Variants in HS6ST3 observed in about 807,000 individuals in gnomAD.
HS6ST3 encodes the protein heparan sulfate 6-O-sulfotransferase 3.
In HS6ST3, 12 loss-of-function variants were observed where a neutral mutation model predicts 36.7. The observed-to-expected ratio is 0.33, with a 90% CI of 0.21 to 0.53. HS6ST3 has a LOEUF of 0.53. Among genes scored for constraint, HS6ST3 ranks in the 20% least tolerant of loss-of-function variants. HS6ST3 has a pLI of 0.95. For synonymous variants in HS6ST3, 240 were observed against 257.5 expected (o/e 0.93, Z 0.65); for missense variants, 584 against 640.9 (o/e 0.91, Z 0.96).
At chr13:96,189,868 T>C (rs1416347420) in intron 1 of HS6ST3, among the ~76,000 whole-genome samples, 1 of 152,132 alleles carries the variant, frequency 6.6e-6, no homozygotes, top group Non-Finnish European at 1.5e-5. Context: ...AGGGCTTTGG[T>C]TGAAACCAAT....
At chr13:96,764,166 A>G (rs1295048339) in intron 1 of HS6ST3, among the ~76,000 whole-genome samples, 1 of 152,238 alleles carries the variant, frequency 6.6e-6, no homozygotes, top group Non-Finnish European at 1.5e-5. Context: ...GAGTACATGA[A>G]CAATGCTAAT....
chr13:96,430,599 G>T (rs2055610425), intron 1 of HS6ST3, among the ~76,000 whole-genome samples: 1 of 152,164 alleles, frequency 6.6e-6, no homozygotes, highest in East Asian at 1.9e-4. Flanking sequence ...CTCTGTGCTA[G>T]TCTCAGAAGG....
intron 1 of HS6ST3, among the ~76,000 whole-genome samples, chr13:96,277,301 T>G (rs1025143148): frequency 2.0e-5 from 3 of 152,212 alleles, no homozygotes; most frequent in Non-Finnish European, 2.9e-5. Context: ...ACCCTCTGTC[T>G]TTGTCTTGTG....
At chr13:96,577,323 T>C (rs2056325624) in intron 1 of HS6ST3, among the ~76,000 whole-genome samples, 1 of 152,242 alleles carries the variant, frequency 6.6e-6, no homozygotes, top group African/African-American at 2.4e-5. Flanking sequence ...GCTTCATCCA[T>C]GTCCCTGCAA....
rs552314804 is a variant in HS6ST3, at chr13:96,305,695, G to C, written c.707+214126G>C. ...TAGTTATACCTAAAAATAATTATTA[G>C]CTATTTTTACTGCAATTTACATGTG... On this transcript the variant is annotated intron_variant, in intron 1 of 1. Transcript: ENST00000376705. 3.4e-4 allele frequency among the ~76,000 whole-genome samples: 51 copies of C among 152,048 alleles called. No individual in the cohort carries two copies. In the South Asian group the frequency reaches 6.6e-3, roughly 20 times the overall value.
intron 1 of HS6ST3, among the ~76,000 whole-genome samples, chr13:96,360,765 G>A (rs983427953): frequency 2.6e-5 from 4 of 151,824 alleles, no homozygotes; most frequent in African/African-American, 9.7e-5. Flanking sequence ...AGGCCAACAT[G>A]GTGAAACCTC....
intron 1 of HS6ST3, among the ~76,000 whole-genome samples, chr13:96,690,322 T>C (rs145233300): frequency 6.6e-6 from 1 of 152,254 alleles, no homozygotes; most frequent in East Asian, 1.9e-4. Context: ...GCAGACATAA[T>C]AGACTGTGTG....
At chr13:96,539,521 G>T (rs910301737) in intron 1 of HS6ST3, among the ~76,000 whole-genome samples, 6 of 151,824 alleles carry the variant, frequency 4.0e-5, no homozygotes, top group Non-Finnish European at 8.8e-5. Flanking sequence ...ATACCCAGCT[G>T]ATTTTTTGTA....
At chr13:96,282,073 G>T (rs1174519664) in intron 1 of HS6ST3, among the ~76,000 whole-genome samples, 3 of 152,140 alleles carry the variant, frequency 2.0e-5, no homozygotes, top group Non-Finnish European at 2.9e-5. Flanking sequence ...ATTCTTCTCA[G>T]TAACTATTCT....
At chr13:96,471,105 T>A (rs1009598094) in intron 1 of HS6ST3, among the ~76,000 whole-genome samples, 1 of 152,170 alleles carries the variant, frequency 6.6e-6, no homozygotes, top group Non-Finnish European at 1.5e-5. Flanking sequence ...TCCACCAGCA[T>A]AAGCAAGAGG....
chr13:96,595,344 C>A (rs2056397591), intron 1 of HS6ST3, among the ~76,000 whole-genome samples: 1 of 152,158 alleles, frequency 6.6e-6, no homozygotes, highest in Non-Finnish European at 1.5e-5. Context: ...AATTTATCAT[C>A]CCATTTCTCA....
intron 1 of HS6ST3, among the ~76,000 whole-genome samples, chr13:96,516,339 G>GCCAC (rs2056072668): frequency 6.6e-6 from 1 of 152,070 alleles, no homozygotes; most frequent in African/African-American, 2.4e-5. Context: ...ATGAGTGTGA[G>GCCAC]CCACCATTCC....
intron 1 of HS6ST3, among the ~76,000 whole-genome samples, chr13:96,555,616 A>G (rs149813850): frequency 2.8e-4 from 43 of 152,268 alleles, no homozygotes; most frequent in Non-Finnish European, 4.3e-4. Flanking sequence ...GTTAGCAAAC[A>G]TGGTTTATAT....
chr13:96,775,699 C>T (rs181745693), intron 1 of HS6ST3, among the ~76,000 whole-genome samples: 110 of 152,104 alleles, frequency 7.2e-4, no homozygotes, highest in African/African-American at 2.5e-3. Flanking sequence ...CAAGTTCTTA[C>T]GTACCTACAA....
At chr13:96,574,825 C>A (rs978438988) in intron 1 of HS6ST3, among the ~76,000 whole-genome samples, 1 of 152,146 alleles carries the variant, frequency 6.6e-6, no homozygotes, top group Middle Eastern at 3.2e-3. Flanking sequence ...TGGCCACACT[C>A]TGAAGCTGGA....
chr13:96,598,488 G>C (rs761970310), intron 1 of HS6ST3, among the ~76,000 whole-genome samples: 3 of 151,956 alleles, frequency 2.0e-5, no homozygotes, highest in Non-Finnish European at 2.9e-5. Flanking sequence ...GGCCATTGTT[G>C]GTATATAACA....
At chr13:96,145,647 C>T (rs964823659) in intron 1 of HS6ST3, among the ~76,000 whole-genome samples, 9 of 152,038 alleles carry the variant, frequency 5.9e-5, no homozygotes, top group Non-Finnish European at 8.8e-5. Flanking sequence ...TGCAGAAGCT[C>T]TTTAGTTTAA....
At chr13:96,107,756 G>A (rs556974991) in intron 1 of HS6ST3, among the ~76,000 whole-genome samples, 4 of 152,222 alleles carry the variant, frequency 2.6e-5, no homozygotes, top group East Asian at 3.9e-4. Context: ...AATTTCTTAC[G>A]CCTGTCTTTA....
intron 1 of HS6ST3, among the ~76,000 whole-genome samples, chr13:96,202,081 G>T (rs1016860116): frequency 2.6e-5 from 4 of 152,174 alleles, no homozygotes; most frequent in Non-Finnish European, 5.9e-5. Flanking sequence ...ATTAACACCT[G>T]CATATTGCTG....
Sources: allele counts gnomAD v4.1 joint callset (sites outside exome capture counted in the v4.1 genomes callset), GRCh38; gene constraint gnomAD v4.1.1; transcripts MANE v1.5; gene names NCBI Gene and HGNC (gene_info 2026-07-23, HGNC 2026-07-21).